CLTCL1: variants seen among roughly 807,000 people sequenced by gnomAD.
CLTCL1 encodes the protein clathrin heavy chain 2.
In CLTCL1, 159 loss-of-function variants were observed where a neutral mutation model predicts 190.0. The observed-to-expected ratio is 0.84, with a 90% CI of 0.74 to 0.95. The LOEUF (loss-of-function observed/expected upper bound fraction) is 0.95. Among genes scored for constraint, CLTCL1 ranks in the 40% least tolerant of loss-of-function variants. The probability of loss-of-function intolerance (pLI) is 0.00; values close to 1 mark genes in which losing one functional copy is unlikely to be tolerated. For synonymous variants in CLTCL1, 752 were observed against 769.6 expected, an observed-to-expected ratio of 0.98 and a Z score of 0.38; for missense variants, 1,878 against 2,033.4, an observed-to-expected ratio of 0.92 and a Z score of 1.47.
intron 3 of CLTCL1, 145 bp downstream of exon 3, chr22:19,253,814 C>G (rs2086669550): frequency 1.1e-6 from 1 of 940,396 alleles, no homozygotes; most frequent in Non-Finnish European, 1.6e-6. Context: ...GATCCTCCCG[C>G]CTCGGCCTCC....
Position 19,233,262 on chromosome 22 carries a change from AG to A in CLTCL1, c.1424del (p.Ala475ValfsTer2). 6.2e-7 allele frequency: 1 copy of A among 1,613,984 alleles called. No homozygotes were observed. Among genetic ancestry groups the A allele is most frequent in the Non-Finnish European group, 8.5e-7 (1 of 1,179,874 alleles). On this transcript the variant is annotated frameshift_variant, in exon 9 of 33. Transcript: ENST00000427926. LOFTEE classifies it high-confidence loss of function. ...CATTTGCCCGAAGGTACACACTCAG[AG>A]CGAGCATGGGGTCAGTGGTTTTGAC... ...DLVKTTDPMLALSVYLRANVP... is the reference protein window; with the variant it reads ...DLVKTTDPMLXLSVYLRANVP...
intron 12 of CLTCL1, 104 bp from the exon 13 acceptor site, chr22:19,225,737 T>A: frequency 9.2e-7 from 1 of 1,084,828 alleles, no homozygotes; most frequent in South Asian, 1.8e-5. Flanking sequence ...GTGTCAAAAA[T>A]ACAGAGAATT....
At chr22:19,283,983 C>T (rs1056849842) in intron 1 of CLTCL1, among the ~76,000 whole-genome samples, 2 of 147,378 alleles carry the variant, frequency 1.4e-5, no homozygotes, top group African/African-American at 5.0e-5. Context: ...CAGAGACAGA[C>T]CCTGTCTCAA....
Position 19,233,047 on chromosome 22 carries a change from A to T in CLTCL1, c.1521+119T>A, listed in dbSNP as rs536174675. The T allele has an allele frequency of 2.3e-5, 25 of 1,064,420 alleles. No homozygotes were observed. The South Asian group carries it at 3.7e-4, about 16-fold the overall frequency. 65.9% of individuals were successfully genotyped at this position (1,064,420 alleles called of 1,614,324 possible). On this transcript the variant is annotated intron_variant, in intron 9 of 32. Transcript: ENST00000427926. ...TATGAATAAAGATCCTAACAGCAAC[A>T]TTGCCAACTCTCACACCAGAGGACT...
intron 10 of CLTCL1, among the ~76,000 whole-genome samples, chr22:19,231,538 C>T (rs1356454281): frequency 6.6e-6 from 1 of 152,148 alleles, no homozygotes; most frequent in African/African-American, 2.4e-5. Flanking sequence ...TCATATATAT[C>T]ATTATATTAT....
At position 19,216,171 on chromosome 22, in the gene CLTCL1, T is replaced by C; in HGVS notation, c.3005A>G (p.Asn1002Ser). 6.2e-7 allele frequency: 1 copy of C among 1,613,978 alleles called. No individual in the cohort carries two copies. Among genetic ancestry groups the C allele is most frequent in the Non-Finnish European group, 8.5e-7 (1 of 1,179,848 alleles). Reference protein sequence around the residue: ...VKAFMTADLPNELIELLEKIV... With the variant: ...VKAFMTADLPSELIELLEKIV... ...CTTCTCCAGCAGTTCAATCAGTTCA[T>C]TAGGCAGGTCGGCTGTCATAAAGGC... The change falls in exon 19 of 33, where the codon AAT becomes AGT. Residue 1002 changes from asparagine (N) to serine (S), a missense_variant. Asn to Ser is a conservative substitution (Grantham distance 46). Transcript: ENST00000427926.
chr22:19,254,280 A>G, intron 2 of CLTCL1, 53 bp from the exon 3 acceptor site: 1 of 1,424,852 alleles, frequency 7.0e-7, no homozygotes, highest in East Asian at 2.3e-5. Context: ...AATCTGAAAG[A>G]CAAATTCATA....
At chr22:19,252,883 G>A (rs537512299) in intron 3 of CLTCL1, among the ~76,000 whole-genome samples, 13 of 152,118 alleles carry the variant, frequency 8.5e-5, no homozygotes, top group East Asian at 1.9e-4. Flanking sequence ...GCATGGTGGT[G>A]GGCGCCTGTA....
chr22:19,181,176 AG>A (rs1389508115), intron 30 of CLTCL1: 1 of 242,048 alleles, frequency 4.1e-6, no homozygotes, highest in Admixed American at 5.0e-5. Context: ...GGCCATGTGC[AG>A]GGAACACTGT....
In CLTCL1 at chr22:19,254,279, G is replaced by C; in HGVS notation, c.251-52C>G. On this transcript the variant is annotated intron_variant, in intron 2 of 32. Transcript: ENST00000427926. Reference sequence around the variant, plus strand: ...AGAAAGACAAATTAAAAATCTGAAAGACAAATTCATATACTCTTAATTCTG... The same window carrying C: ...AGAAAGACAAATTAAAAATCTGAAACACAAATTCATATACTCTTAATTCTG... 1.3e-5 allele frequency: 19 copies of C among 1,457,938 alleles called. No individual in the cohort carries two copies. In the South Asian group the frequency reaches 2.3e-4, roughly 18 times the overall value. The allele number at this position is 1,457,938 out of a possible 1,614,324, so 90.3% of individuals were successfully genotyped here. A position where few individuals can be genotyped will look rare whatever the true frequency, so the allele number is the denominator to read the frequency against.
At chr22:19,243,776 C>A (rs542724598) in intron 3 of CLTCL1, among the ~76,000 whole-genome samples, 2 of 142,938 alleles carry the variant, frequency 1.4e-5, no homozygotes, top group Non-Finnish European at 3.0e-5. Context: ...CGGCTCACTG[C>A]AAGCTTCGCC....
intron 2 of CLTCL1, among the ~76,000 whole-genome samples, chr22:19,262,895 G>T (rs2086997713): frequency 6.6e-6 from 1 of 151,876 alleles, no homozygotes; most frequent in African/African-American, 2.4e-5. Context: ...GCTGGGCGTG[G>T]TCGCACGTGC....
intron 10 of CLTCL1, among the ~76,000 whole-genome samples, chr22:19,231,519 A>G (rs1404580485): frequency 2.6e-5 from 4 of 152,262 alleles, no homozygotes; most frequent in African/African-American, 7.2e-5. Context: ...CTGATACTTG[A>G]TATCTAACTC....
At chr22:19,208,448 G>A (rs974603327) in intron 21 of CLTCL1, 137 bp from the exon 22 acceptor site, 57 of 984,808 alleles carry the variant, frequency 5.8e-5, no homozygotes, top group African/African-American at 1.3e-4. Flanking sequence ...TCCAGATAAC[G>A]TCTAGGAGGT....
At chr22:19,200,038 C>T (rs1266909623) in intron 23 of CLTCL1, among the ~76,000 whole-genome samples, 197 bp from the exon 24 acceptor site, 1 of 152,120 alleles carries the variant, frequency 6.6e-6, no homozygotes, top group Non-Finnish European at 1.5e-5. Flanking sequence ...ATCTGCAGGC[C>T]AAGGGGGTGC....
chr22:19,203,186 G>A (rs927208413), intron 22 of CLTCL1, among the ~76,000 whole-genome samples: 2 of 152,122 alleles, frequency 1.3e-5, no homozygotes, highest in Non-Finnish European at 2.9e-5. Context: ...GTGGTGGCGG[G>A]CGCCTGTAAT....
At chr22:19,271,061 C>G (rs538868351) in intron 2 of CLTCL1, among the ~76,000 whole-genome samples, 1 of 152,032 alleles carries the variant, frequency 6.6e-6, no homozygotes, top group South Asian at 2.1e-4. Flanking sequence ...GAGGAGGGGG[C>G]CTCCAGGGGG....
intron 2 of CLTCL1, chr22:19,257,612 C>T: frequency 2.5e-6 from 1 of 407,364 alleles, no homozygotes; most frequent in Non-Finnish European, 4.7e-6. Context: ...GGTTGATCAG[C>T]AGTCCAGCCG....
chr22:19,184,058 CCTAA>C (rs2084231378), intron 29 of CLTCL1: 1 of 257,798 alleles, frequency 3.9e-6, no homozygotes, highest in Non-Finnish European at 7.7e-6. Flanking sequence ...CTCAAAAACC[CCTAA>C]CTGCTATTTT....
Sources: gnomAD v4.1 joint callset for allele counts (sites outside exome capture counted in the v4.1 genomes callset) on GRCh38, gnomAD v4.1.1 for gene constraint, MANE v1.5 for transcripts, NCBI Gene and HGNC (gene_info 2026-07-23, HGNC 2026-07-21) for gene names.